CPEB3: variants seen among roughly 807,000 people sequenced by gnomAD.
The protein encoded by CPEB3 is cytoplasmic polyadenylation element binding protein 3.
Under a neutral mutation model 67.2 loss-of-function variants are expected in CPEB3, and 20 were observed. The observed-to-expected ratio is 0.30, with a 90% CI of 0.21 to 0.43. The LOEUF (loss-of-function observed/expected upper bound fraction) is 0.43, where lower values mean the gene tolerates loss of function less well. Among genes scored for constraint, CPEB3 ranks in the 20% least tolerant of loss-of-function variants. The pLI, the probability that CPEB3 is intolerant of heterozygous loss-of-function variation, is 1.00. For missense variants in CPEB3, 746 were observed against 968.6 expected (o/e 0.77, Z 3.05); for synonymous variants, 376 against 393.1 (o/e 0.96, Z 0.51).
chr10:92,127,416 C>T (rs1845652865), intron 6 of CPEB3, among the ~76,000 whole-genome samples: 2 of 152,170 alleles, frequency 1.3e-5, no homozygotes, highest in Admixed American at 1.3e-4. Context: ...TGGCTCACGA[C>T]TGTAAATCTA....
chr10:92,162,892 AAAAG>A (rs1247394248), intron 4 of CPEB3, among the ~76,000 whole-genome samples: 2 of 152,078 alleles, frequency 1.3e-5, no homozygotes, highest in South Asian at 2.1e-4. Context: ...TTCACAGCAA[AAAAG>A]AAAGACCCAG....
In CPEB3 at chr10:92,277,847, C is replaced by T. The variant is rs370825197; in HGVS notation, c.-12+13079G>A. On this transcript the variant is annotated intron_variant, in intron 1 of 9. Transcript: ENST00000265997. ...TGGAGGTTGCAGTGAGTTGAGATCG[C>T]GCCACTGTACTCCAGCCTGGGGGAC... Among the ~76,000 whole-genome samples, 45 of 151,744 alleles carry T rather than the reference C, an allele frequency of 3.0e-4. 1 individual carries two copies. In the South Asian group the frequency reaches 5.0e-3, roughly 17 times the overall value.
chr10:92,220,509 A>T (rs774364177), intron 2 of CPEB3, among the ~76,000 whole-genome samples: 1 of 151,182 alleles, frequency 6.6e-6, no homozygotes, highest in Non-Finnish European at 1.5e-5. Context: ...CACCCAGATA[A>T]CTTTTTTCCT....
At chr10:92,154,953 G>A (rs1847134326) in intron 4 of CPEB3, among the ~76,000 whole-genome samples, 1 of 152,188 alleles carries the variant, frequency 6.6e-6, no homozygotes, top group African/African-American at 2.4e-5. Context: ...GGTGGCTCAT[G>A]CCTGTAATCC....
At chr10:92,290,405 G>C (rs938748259) in intron 1 of CPEB3, among the ~76,000 whole-genome samples, 7 of 151,758 alleles carry the variant, frequency 4.6e-5, no homozygotes, top group African/African-American at 1.7e-4. Context: ...ACGGTTAACA[G>C]TGACCAGCAG....
chr10:92,188,649 G>A (rs986466862), intron 3 of CPEB3, among the ~76,000 whole-genome samples: 2 of 152,066 alleles, frequency 1.3e-5, no homozygotes, highest in Non-Finnish European at 1.5e-5. Context: ...GAACCAGGGA[G>A]GCGGAGGTTG....
At chr10:92,258,206 T>C (rs1412053978) in intron 1 of CPEB3, among the ~76,000 whole-genome samples, 3 of 151,768 alleles carry the variant, frequency 2.0e-5, no homozygotes, top group Non-Finnish European at 4.4e-5. Flanking sequence ...TTCATGCAAT[T>C]ATCCTGCCTC....
At chr10:92,272,253 TC>T (rs1590593240) in intron 1 of CPEB3, 2 of 152,164 alleles carry the variant, frequency 1.3e-5, no homozygotes, top group South Asian at 4.1e-4. Context: ...GGACAGACTC[TC>T]ATCATTTTTT....
At chr10:92,254,867 A>T (rs991936948) in intron 1 of CPEB3, among the ~76,000 whole-genome samples, 13 of 150,256 alleles carry the variant, frequency 8.7e-5, no homozygotes, top group African/African-American at 2.7e-4. Flanking sequence ...TTTATTTTTT[A>T]TTTTTATTTT....
intron 9 of CPEB3, among the ~76,000 whole-genome samples, chr10:92,081,040 C>T (rs142661307): frequency 6.6e-6 from 1 of 152,318 alleles, no homozygotes; most frequent in East Asian, 1.9e-4. Context: ...AACATACTGT[C>T]AGTGTCATCT....
chr10:92,244,727 G>A (rs536186010), intron 1 of CPEB3, among the ~76,000 whole-genome samples: 2 of 152,176 alleles, frequency 1.3e-5, no homozygotes, highest in African/African-American at 2.4e-5. Context: ...ATGAGCCACC[G>A]CACCTGGCCA....
intron 6 of CPEB3, among the ~76,000 whole-genome samples, chr10:92,115,284 G>T (rs2133540020): frequency 6.6e-6 from 1 of 152,352 alleles, no homozygotes; most frequent in East Asian, 1.9e-4. Flanking sequence ...CTCCCGAGCA[G>T]CTGTGACTAC....
intron 2 of CPEB3, among the ~76,000 whole-genome samples, chr10:92,234,495 G>A (rs999777312): frequency 2.6e-5 from 4 of 152,088 alleles, no homozygotes; most frequent in Admixed American, 2.6e-4. Context: ...CATCTACACT[G>A]CACTATTAAG....
chr10:92,194,016 T>C (rs1016364425), intron 2 of CPEB3, among the ~76,000 whole-genome samples: 1 of 151,822 alleles, frequency 6.6e-6, no homozygotes, highest in African/African-American at 2.4e-5. Context: ...CAGGATGATC[T>C]TGATCTCCTG....
intron 7 of CPEB3, among the ~76,000 whole-genome samples, chr10:92,110,064 C>T (rs1844657180): frequency 6.6e-6 from 1 of 152,194 alleles, no homozygotes; most frequent in African/African-American, 2.4e-5. Context: ...GGTGAGGAAA[C>T]CACAGTTCAG....
intron 7 of CPEB3, among the ~76,000 whole-genome samples, chr10:92,096,670 G>GC (rs1160935252): frequency 7.0e-4 from 106 of 152,238 alleles, no homozygotes; most frequent in Non-Finnish European, 1.6e-4. Flanking sequence ...CTGGCCAGGT[G>GC]CAGTCGCTCA....
At chr10:92,102,157 A>G (rs895523492) in intron 7 of CPEB3, among the ~76,000 whole-genome samples, 6 of 152,204 alleles carry the variant, frequency 3.9e-5, no homozygotes, top group African/African-American at 1.2e-4. Context: ...CTGAAGAGGA[A>G]GAGATGCCTT....
chr10:92,269,917 G>T (rs952522146), intron 1 of CPEB3, among the ~76,000 whole-genome samples: 1 of 151,196 alleles, frequency 6.6e-6, no homozygotes, highest in Non-Finnish European at 1.5e-5. Context: ...CTCCTTCGGT[G>T]ATACGACAGA....
chr10:92,095,126 C>T (rs764727824), intron 7 of CPEB3, among the ~76,000 whole-genome samples: 5 of 152,166 alleles, frequency 3.3e-5, no homozygotes, highest in African/African-American at 1.2e-4. Context: ...CTGCTGAGAG[C>T]TTTCATTACT....
Sources: allele counts gnomAD v4.1 joint callset (sites outside exome capture counted in the v4.1 genomes callset), GRCh38; gene constraint gnomAD v4.1.1; transcripts MANE v1.5; gene names NCBI Gene and HGNC (gene_info 2026-07-23, HGNC 2026-07-21).